The following AVL9 variants were observed in gnomAD, a reference collection of about 807,000 sequenced individuals.
The protein encoded by AVL9 is AVL9 cell migration associated, also known as late secretory pathway protein AVL9 homolog.
Under a neutral mutation model 79.2 loss-of-function variants are expected in AVL9, and 49 were observed. The ratio of observed to expected loss-of-function variants is 0.62; its 90% confidence interval spans 0.49 to 0.79. The LOEUF is 0.79. Among genes scored for constraint, AVL9 ranks in the 30% least tolerant of loss-of-function variants. The pLI is 0.00. For synonymous variants in AVL9, 299 were observed against 280.6 expected (o/e 1.07, Z -0.65); for missense variants, 682 against 776.8 (o/e 0.88, Z 1.45).
intron 1 of AVL9, among the ~76,000 whole-genome samples, chr7:32,526,570 G>C (rs1197477476): frequency 2.0e-5 from 3 of 152,168 alleles, no homozygotes; most frequent in Admixed American, 1.3e-4. Context: ...AGCATGTCAG[G>C]CTCCTGGGTT....
Position 32,495,791 on chromosome 7 carries a change from A to G in AVL9, c.82A>G (p.Lys28Glu). ...HIVVVGFHHK[K>E]GCQVEFSYPP... ...CGTGGTGGTCGGATTTCACCACAAG[A>G]AGGGCTGCCAGGTGAGGAAAGGGCC... Residue 28 changes from lysine to glutamate, a missense_variant, in exon 1 of 16, where the codon AAG (lysine) becomes GAG (glutamate). Lys to Glu is a moderately conservative substitution (Grantham distance 56). Coordinates refer to ENST00000318709, the MANE Select transcript of AVL9 (RefSeq NM_015060.3). The G allele has an allele frequency of 1.6e-6, 2 of 1,258,464 alleles. No individual in the cohort carries two copies. Among genetic ancestry groups the G allele is most frequent in the Non-Finnish European group, 1.0e-6 (1 of 991,982 alleles). 78.0% of individuals were successfully genotyped at this position (1,258,464 alleles called of 1,614,324 possible). A position where few individuals can be genotyped will look rare whatever the true frequency, so the allele number is the denominator to read the frequency against.
chr7:32,573,265 G>C lies in AVL9; in HGVS notation c.1417G>C (p.Asp473His). Reference protein sequence around the residue: ...LRKLLNPTTADLRFADYLVRH... With the variant: ...LRKLLNPTTAHLRFADYLVRH... ...GAAGCTGCTTAACCCAACCACTGCAGACCTAAGGTTCGCAGACTACCTAGT... is the reference window on the plus strand; with the variant it reads ...GAAGCTGCTTAACCCAACCACTGCACACCTAAGGTTCGCAGACTACCTAGT... The change falls in exon 12 of 16, where the codon GAC becomes CAC. Residue 473 changes from aspartate to histidine, a missense_variant. Asp to His is a moderately conservative substitution (Grantham distance 81, BLOSUM62 -1). Transcript: ENST00000318709. 6.2e-7 allele frequency: 1 copy of C among 1,613,874 alleles called. No individual in the cohort carries two copies.
Position 32,554,548 on chromosome 7 carries a change from C to A in AVL9, c.571-10C>A. The A allele has an allele frequency of 6.9e-7, 1 of 1,453,170 alleles. No individual in the cohort carries two copies. Among genetic ancestry groups the A allele is most frequent in the Non-Finnish European group, 9.3e-7 (1 of 1,075,626 alleles). 90.0% of individuals were successfully genotyped at this position (1,453,170 alleles called of 1,614,324 possible). On this transcript the variant is annotated splice_polypyrimidine_tract_variant and intron_variant, in intron 7 of 15. Transcript: ENST00000318709. ...TCATTTCAATACAACATTTTTTTTT[C>A]CTTTTGCAGGTCTTAATCCTATTTA...
intron 1 of AVL9, among the ~76,000 whole-genome samples, chr7:32,530,145 GT>G (rs1788587240): frequency 6.6e-6 from 1 of 151,970 alleles, no homozygotes; most frequent in Non-Finnish European, 1.5e-5. Context: ...TTTCCACATA[GT>G]TATACACATT....
At chr7:32,550,019 C>CGT (rs1233964086) in intron 4 of AVL9, among the ~76,000 whole-genome samples, 3 of 151,976 alleles carry the variant, frequency 2.0e-5, no homozygotes, top group African/African-American at 7.3e-5. Flanking sequence ...TTCCTGTACA[C>CGT]ACCTTTGAGA....
intron 2 of AVL9, among the ~76,000 whole-genome samples, chr7:32,543,899 TTC>T: frequency 6.6e-6 from 1 of 151,606 alleles, no homozygotes; most frequent in Non-Finnish European, 1.5e-5. Flanking sequence ...TTGATTTTCT[TTC>T]TTTCTTTCTT....
At position 32,559,263 on chromosome 7, in the gene AVL9, C is replaced by T; in HGVS notation, c.1014C>T (p.Val338=). 6.2e-7 allele frequency: 1 copy of T among 1,614,170 alleles called. No homozygotes were observed. Among genetic ancestry groups the T allele is most frequent in the South Asian group, 1.1e-5 (1 of 91,092 alleles). The change falls in exon 10 of 16, where the codon GTC becomes GTT. Residue 338 remains valine (V), a synonymous_variant. Coordinates refer to ENST00000318709, the MANE Select transcript of AVL9 (RefSeq NM_015060.3). ...ACTGGGAAACTTTGGATCCTAGTGT[C>T]TTAGAGGACCCCAACTTGAAAGAAA... ...ESDWETLDPS[V]LEDPNLKERE... is the part of the protein sequence containing the mutation.
rs192389602 is a variant in AVL9, at chr7:32,501,998, T to C, written c.93+6196T>C. ...CCTAGGATATTTTTAGAGGATATTA[T>C]CTAAGCTGATATTTTTGGCAGTTTT... is the stretch of plus-strand genomic sequence containing the variant. On this transcript the variant is annotated intron_variant, in intron 1 of 15. Coordinates refer to ENST00000318709, the MANE Select transcript of AVL9 (RefSeq NM_015060.3). 1.8e-4 allele frequency among the ~76,000 whole-genome samples: 27 copies of C among 152,248 alleles called. No homozygotes were observed. In the East Asian group the frequency reaches 4.6e-3, roughly 26 times the overall value.
chr7:32,561,894 C>T (rs1223713222), intron 10 of AVL9, among the ~76,000 whole-genome samples: 2 of 152,132 alleles, frequency 1.3e-5, no homozygotes, highest in Admixed American at 1.3e-4. Context: ...TTAAATATTG[C>T]TGCATCTCAG....
chr7:32,529,246 G>A (rs974086516), intron 1 of AVL9, among the ~76,000 whole-genome samples: 3 of 152,192 alleles, frequency 2.0e-5, no homozygotes, highest in African/African-American at 7.2e-5. Context: ...GTTGAAGAAA[G>A]CAGAAACAGA....
chr7:32,518,462 T>C (rs1788002488), intron 1 of AVL9, among the ~76,000 whole-genome samples: 1 of 152,144 alleles, frequency 6.6e-6, no homozygotes, highest in African/African-American at 2.4e-5. Flanking sequence ...AAAAATTATA[T>C]TGTAGGAAAA....
At chr7:32,574,120 T>G (rs1790979871) in intron 12 of AVL9, among the ~76,000 whole-genome samples, 1 of 152,240 alleles carries the variant, frequency 6.6e-6, no homozygotes, top group Non-Finnish European at 1.5e-5. Context: ...AACTAACCAT[T>G]ATTTTTTTAA....
At chr7:32,522,297 G>A (rs186756076) in intron 1 of AVL9, among the ~76,000 whole-genome samples, 5 of 152,282 alleles carry the variant, frequency 3.3e-5, no homozygotes, top group East Asian at 1.9e-4. Context: ...GAAAGCATCC[G>A]GGAGGGAGGC....
intron 2 of AVL9, 138 bp downstream of exon 2, chr7:32,543,399 A>G: frequency 9.0e-7 from 1 of 1,106,582 alleles, no homozygotes; most frequent in Non-Finnish European, 1.3e-6. Flanking sequence ...GCTTGTTTGG[A>G]GATAACTAGT....
chr7:32,557,597 T>C (rs1278232049), intron 8 of AVL9, among the ~76,000 whole-genome samples: 1 of 152,190 alleles, frequency 6.6e-6, no homozygotes, highest in African/African-American at 2.4e-5. Context: ...TAGTGGTGTG[T>C]CTCTGTCAGG....
intron 1 of AVL9, among the ~76,000 whole-genome samples, chr7:32,498,607 CT>C (rs200038631): frequency 0.02 from 2,831 of 138,182 alleles, 52 homozygotes; most frequent in African/African-American, 0.046. Flanking sequence ...ATCACTTGAT[CT>C]TTTTTTTTTT....
chr7:32,553,639 CCTTT>C lies in AVL9; in HGVS notation c.530-81_530-78del, dbSNP rs1320162655. 66 of 895,580 alleles carry C rather than the reference CCTTT, an allele frequency of 7.4e-5. No individual in the cohort carries two copies. The African/African-American group carries it at 9.8e-4, about 13-fold the overall frequency. The allele number at this position is 895,580 out of a possible 1,614,324, so 55.5% of individuals were successfully genotyped here. On this transcript the variant is annotated intron_variant, in intron 6 of 15. Transcript: ENST00000318709. ...TATTCCTACTTTTTTTTTTTTTTAA[CCTTT>C]CTTTCTGTTAAGGGGGAAATAACCT...
intron 11 of AVL9, among the ~76,000 whole-genome samples, chr7:32,571,229 C>CAAA (rs35287763): frequency 0.022 from 1,401 of 65,048 alleles, 60 homozygotes; most frequent in African/African-American, 0.078. Context: ...GACCCTGTCT[C>CAAA]AAAAAAAAAA....
rs754333751 is a variant in AVL9 at position 32,580,842 on chromosome 7, G to A, written c.1783G>A (p.Val595Ile). ...NSERGKKIGN[V>I]MVTTSRNVVQ... Reference sequence around the variant, plus strand: ...TGAACGTGGCAAAAAAATTGGAAACGTCATGGTCACAACTAGCCGGAATGT... The same window carrying A: ...TGAACGTGGCAAAAAAATTGGAAACATCATGGTCACAACTAGCCGGAATGT... Residue 595 changes from valine to isoleucine, a missense_variant, in exon 15 of 16, where the codon GTC becomes ATC. Physicochemically the swap from Val to Ile is conservative, Grantham distance 29 (BLOSUM62 3). Coordinates refer to ENST00000318709, the MANE Select transcript of AVL9 (RefSeq NM_015060.3). 16 of 1,613,822 alleles carry A rather than the reference G, an allele frequency of 9.9e-6. No individual in the cohort carries two copies. Among genetic ancestry groups the A allele is most frequent in the African/African-American group, 1.3e-5 (1 of 75,004 alleles).
Sources: allele counts gnomAD v4.1 joint callset (sites outside exome capture counted in the v4.1 genomes callset), GRCh38; gene constraint gnomAD v4.1.1; transcripts MANE v1.5; gene names NCBI Gene and HGNC (gene_info 2026-07-23, HGNC 2026-07-21).